The following GRID2 variants were observed in gnomAD, a reference collection of about 807,000 sequenced individuals.
GRID2 encodes the protein glutamate ionotropic receptor delta type subunit 2.
In GRID2, 33 loss-of-function variants were observed where a neutral mutation model predicts 114.8. The ratio of observed to expected loss-of-function variants is 0.29; its 90% CI spans 0.22 to 0.38. The LOEUF is 0.38. Ranked by LOEUF, GRID2 falls within the 10% of genes least tolerant of loss-of-function variation. The pLI, the probability that GRID2 is intolerant of heterozygous loss-of-function variation, is 1.00. For synonymous variants in GRID2, 505 were observed against 449.9 expected (o/e 1.12, Z -1.55); for missense variants, 1,184 against 1,257.7 (o/e 0.94, Z 0.89).
At chr4:92,954,721 C>T (rs1190512980) in intron 2 of GRID2, among the ~76,000 whole-genome samples, 17 of 142,022 alleles carry the variant, frequency 1.2e-4, no homozygotes, top group East Asian at 4.3e-4. Flanking sequence ...CCCACTAACT[C>T]GTCATCTAGC....
chr4:92,928,593 C>A (rs1010120280), intron 2 of GRID2, among the ~76,000 whole-genome samples: 7 of 151,560 alleles, frequency 4.6e-5, no homozygotes, highest in African/African-American at 1.7e-4. Context: ...TTTCTCCTAA[C>A]ATTTACTTGA....
At chr4:93,485,280 T>A (rs1302809820) in intron 11 of GRID2, among the ~76,000 whole-genome samples, 2 of 151,840 alleles carry the variant, frequency 1.3e-5, no homozygotes, top group African/African-American at 4.8e-5. Flanking sequence ...TAGGAGTTAA[T>A]ATTTATTGAT....
intron 8 of GRID2, among the ~76,000 whole-genome samples, chr4:93,241,461 G>A (rs1747503373): frequency 6.6e-6 from 1 of 151,532 alleles, no homozygotes. Flanking sequence ...ATCAGATTAA[G>A]GAAACTCCAT....
chr4:93,140,807 A>G (rs1332054550), intron 4 of GRID2, among the ~76,000 whole-genome samples: 1 of 152,224 alleles, frequency 6.6e-6, no homozygotes, highest in African/African-American at 2.4e-5. Flanking sequence ...ATTATGCTCT[A>G]GGTTCCCAGA....
At chr4:92,471,926 CTTTTTTT>C (rs1186215701) in intron 1 of GRID2, among the ~76,000 whole-genome samples, 8 of 57,340 alleles carry the variant, frequency 1.4e-4, no homozygotes, top group Admixed American at 1.1e-3. Flanking sequence ...ATCCATATTT[CTTTTTTT>C]TTTTTTTTTT....
In GRID2 at chr4:93,014,055, G is replaced by A. The variant is rs62308165; in HGVS notation, c.245-70940G>A. Among the ~76,000 whole-genome samples, 149 of 152,146 alleles carry A rather than the reference G, an allele frequency of 9.8e-4. 1 individual carries two copies. Among genetic ancestry groups the A allele is most frequent in the Non-Finnish European group, 1.7e-3 (113 of 67,966 alleles). ...AACAAGCATAAAGTAAGATATTTGA[G>A]CACTTTGTGGAGAGAAAGGGAATAA... On this transcript the variant is annotated intron_variant, in intron 2 of 15. Transcript: ENST00000282020.
intron 2 of GRID2, among the ~76,000 whole-genome samples, chr4:92,807,509 G>A (rs976616478): frequency 5.3e-5 from 8 of 151,718 alleles, no homozygotes; most frequent in African/African-American, 1.9e-4. Context: ...AGTTGTAATT[G>A]GAATATTTCT....
intron 14 of GRID2, among the ~76,000 whole-genome samples, chr4:93,728,558 GT>G (rs1183637478): frequency 7.9e-5 from 12 of 152,210 alleles, no homozygotes; most frequent in Non-Finnish European, 1.5e-4. Flanking sequence ...TTTCTGTCTT[GT>G]TTTTCTGTCT....
At chr4:93,036,305 G>T (rs773763968) in intron 2 of GRID2, among the ~76,000 whole-genome samples, 2 of 151,972 alleles carry the variant, frequency 1.3e-5, no homozygotes, top group Non-Finnish European at 2.9e-5. Context: ...AACTTATATA[G>T]TATTAAAAAT....
At chr4:92,381,637 C>T (rs551486034) in intron 1 of GRID2, among the ~76,000 whole-genome samples, 1 of 152,046 alleles carries the variant, frequency 6.6e-6, no homozygotes, top group South Asian at 2.1e-4. Context: ...GTAAAAGTTT[C>T]TCTTTTCTAA....
chr4:92,799,429 A>G (rs1298371826), intron 2 of GRID2, among the ~76,000 whole-genome samples: 2 of 151,992 alleles, frequency 1.3e-5, no homozygotes, highest in African/African-American at 4.8e-5. Flanking sequence ...GGCTTAAACA[A>G]TAGAAATTTA....
chr4:93,626,357 T>C lies in GRID2; in HGVS notation c.2282T>C (p.Ile761Thr). 1 of 1,607,056 alleles carries C rather than the reference T, an allele frequency of 6.2e-7. No homozygotes were observed. The highest frequency in any genetic ancestry group is 8.5e-7 in the Non-Finnish European group (1 of 1,173,806). The change falls in exon 14 of 16, where the codon ATT (isoleucine) becomes ACT (threonine). Residue 761 changes from isoleucine (I) to threonine (T), a missense_variant. By Grantham distance (89) the Ile-to-Thr change is moderately conservative. This residue lies in a region of GRID2 where 717 missense variants were observed against 796.9 expected (regional missense o/e 0.90). Coordinates refer to ENST00000282020, the MANE Select transcript of GRID2 (RefSeq NM_001510.4). ...INDPDCSFYT[I>T]GNTVADRGYG... ...GACCCAGATTGTTCCTTTTACACCA[T>C]TGGAAATACTGTTGCTGATCGGGGA... is the stretch of plus-strand genomic sequence containing the variant.
chr4:93,349,398 T>C (rs1180122960), intron 8 of GRID2, among the ~76,000 whole-genome samples: 1 of 152,082 alleles, frequency 6.6e-6, no homozygotes, highest in African/African-American at 2.4e-5. Flanking sequence ...GATACTTGAA[T>C]GAAATGATTA....
At chr4:93,724,793 G>A (rs1169445524) in intron 14 of GRID2, among the ~76,000 whole-genome samples, 1 of 151,826 alleles carries the variant, frequency 6.6e-6, no homozygotes, top group Non-Finnish European at 1.5e-5. Context: ...TGTTGTTGTT[G>A]TTTTGAGACA....
intron 8 of GRID2, among the ~76,000 whole-genome samples, chr4:93,263,880 T>G (rs1169845014): frequency 1.3e-5 from 2 of 152,200 alleles, no homozygotes; most frequent in Non-Finnish European, 2.9e-5. Flanking sequence ...GAAATATGCT[T>G]ATCTTAATTG....
At chr4:92,630,110 TGTGAA>T (rs1334063418) in intron 2 of GRID2, among the ~76,000 whole-genome samples, 1 of 152,034 alleles carries the variant, frequency 6.6e-6, no homozygotes, top group East Asian at 1.9e-4. Flanking sequence ...ATGTTCCCAC[TGTGAA>T]ATCTCGGGTC....
At chr4:92,698,345 T>C (rs1012896265) in intron 2 of GRID2, among the ~76,000 whole-genome samples, 4 of 152,136 alleles carry the variant, frequency 2.6e-5, no homozygotes. Context: ...AACTTATTTG[T>C]TGTAAAAGTG....
At chr4:93,737,619 A>G (rs1054422129) in intron 14 of GRID2, among the ~76,000 whole-genome samples, 3 of 152,102 alleles carry the variant, frequency 2.0e-5, no homozygotes, top group Admixed American at 1.3e-4. Flanking sequence ...CATTAATTAA[A>G]TATTTCAGAT....
At chr4:92,574,542 C>T (rs1727794968) in intron 1 of GRID2, among the ~76,000 whole-genome samples, 2 of 151,436 alleles carry the variant, frequency 1.3e-5, no homozygotes, top group African/African-American at 4.9e-5. Context: ...CTGAAAACGA[C>T]CTCTTTCTCT....
Sources: allele counts gnomAD v4.1 joint callset (sites outside exome capture counted in the v4.1 genomes callset), GRCh38; gene constraint gnomAD v4.1.1; regional missense constraint gnomAD v4.1.1; transcripts MANE v1.5; gene names NCBI Gene and HGNC (gene_info 2026-07-23, HGNC 2026-07-21).